Variants in ULK4 observed in about 807,000 individuals in gnomAD.
ULK4 encodes inactive serine/threonine-protein kinase ULK4.
Under a neutral mutation model 160.6 loss-of-function variants are expected in ULK4, and 133 were observed. The ratio of observed to expected loss-of-function variants is 0.83; its 90% CI spans 0.72 to 0.96. The LOEUF (loss-of-function observed/expected upper bound fraction) is 0.96, where lower values mean the gene tolerates loss of function less well. Among genes scored for constraint, ULK4 ranks in the 40% least tolerant of loss-of-function variants. The pLI, the probability that ULK4 is intolerant of heterozygous loss-of-function variation, is 0.00. For missense variants in ULK4, 1,580 were observed against 1,499.5 expected, an observed-to-expected ratio of 1.05 and a Z score of -0.89; for synonymous variants, 534 against 539.8, an observed-to-expected ratio of 0.99 and a Z score of 0.15.
chr3:41,259,181 G>C (rs769135374), intron 35 of ULK4, among the ~76,000 whole-genome samples: 14 of 151,726 alleles, frequency 9.2e-5, no homozygotes, highest in Non-Finnish European at 1.8e-4. Flanking sequence ...TGCAAACTCT[G>C]CTATGGTCAC....
At chr3:41,954,583 T>C (rs1298267018) in intron 2 of ULK4, 39 bp downstream of exon 2, 1 of 1,587,662 alleles carries the variant, frequency 6.3e-7, no homozygotes, top group Non-Finnish European at 8.6e-7. Context: ...CTATTGTAGC[T>C]CTCTCTTTCC....
chr3:41,286,924 T>C (rs891028373), intron 35 of ULK4, among the ~76,000 whole-genome samples: 4 of 152,178 alleles, frequency 2.6e-5, no homozygotes, highest in Non-Finnish European at 4.4e-5. Flanking sequence ...ACTGCACTTA[T>C]AGGGACCAGA....
At chr3:41,502,092 A>G (rs779027609) in intron 32 of ULK4, among the ~76,000 whole-genome samples, 15 of 152,290 alleles carry the variant, frequency 9.8e-5, no homozygotes, top group African/African-American at 1.9e-4. Context: ...GTATTTATTC[A>G]TCCACTGATG....
chr3:41,330,381 C>T (rs1456460266), intron 35 of ULK4, among the ~76,000 whole-genome samples: 1 of 152,310 alleles, frequency 6.6e-6, no homozygotes, highest in East Asian at 1.9e-4. Context: ...CATCCCATCC[C>T]AATTCCTCAG....
At chr3:41,771,617 G>A (rs1168925901) in intron 21 of ULK4, among the ~76,000 whole-genome samples, 1 of 151,598 alleles carries the variant, frequency 6.6e-6, no homozygotes, top group South Asian at 2.1e-4. Flanking sequence ...TACTGTGTGC[G>A]AGTAAAAGCT....
chr3:41,352,516 C>T (rs2080932099), intron 35 of ULK4, among the ~76,000 whole-genome samples: 1 of 152,310 alleles, frequency 6.6e-6, no homozygotes, highest in East Asian at 1.9e-4. Context: ...CAACCTACTG[C>T]TTTCCTTGTT....
At chr3:41,390,698 G>C (rs1433926166) in intron 35 of ULK4, among the ~76,000 whole-genome samples, 3 of 152,218 alleles carry the variant, frequency 2.0e-5, no homozygotes, top group African/African-American at 4.8e-5. Context: ...TCTTAATCTT[G>C]AGTTCTAGTT....
chr3:41,946,351 T>C lies in ULK4; in HGVS notation c.139-8154A>G, dbSNP rs950727453. ...CAAGAACAGGCAAAATAATCTACAA[T>C]GATAGAAGTAAGAACAGTGCTGGGG... is the stretch of plus-strand genomic sequence containing the variant. On this transcript the variant is annotated intron_variant, in intron 2 of 36. Coordinates refer to ENST00000301831, the MANE Select transcript of ULK4 (RefSeq NM_017886.4). Among the ~76,000 whole-genome samples the C allele has an allele frequency of 4.6e-5, 7 of 152,056 alleles. No homozygotes were observed. The South Asian group carries it at 1.2e-3, about 27-fold the overall frequency.
chr3:41,518,024 G>C (rs888355313), intron 32 of ULK4, among the ~76,000 whole-genome samples: 2 of 152,158 alleles, frequency 1.3e-5, no homozygotes, highest in Non-Finnish European at 2.9e-5. Context: ...CGTGTCTAAC[G>C]GGAAAGGAAA....
rs1397519836 is a variant in ULK4, at chr3:41,931,931, C to G, written c.454G>C (p.Glu152Gln). The change falls in exon 5 of 37, where the codon GAG (glutamate) becomes CAG (glutamine). Residue 152 changes from glutamate to glutamine, a missense_variant. Coordinates refer to ENST00000301831, the MANE Select transcript of ULK4 (RefSeq NM_017886.4). ...LAKVEGENLE[E>Q]FFALVAAEEG... ...TCTGCTGCCACCAAAGCAAAGAACTCTTCCAAATTTTCACCTTCCACTTTT... is the reference window on the plus strand; with the variant it reads ...TCTGCTGCCACCAAAGCAAAGAACTGTTCCAAATTTTCACCTTCCACTTTT... The G allele has an allele frequency of 1.2e-6, 2 of 1,614,112 alleles. No homozygotes were observed. The highest frequency in any genetic ancestry group is 8.5e-7 in the Non-Finnish European group (1 of 1,180,022).
At chr3:41,932,406 A>G (rs926985713) in intron 4 of ULK4, among the ~76,000 whole-genome samples, 1 of 152,222 alleles carries the variant, frequency 6.6e-6, no homozygotes, top group Non-Finnish European at 1.5e-5. Context: ...TTAAGATTAA[A>G]GTTGGAGATC....
chr3:41,353,997 T>A (rs1407491694), intron 35 of ULK4, among the ~76,000 whole-genome samples: 1 of 152,142 alleles, frequency 6.6e-6, no homozygotes, highest in Non-Finnish European at 1.5e-5. Context: ...CTTTCCATTG[T>A]GGGGCTCCAC....
intron 32 of ULK4, among the ~76,000 whole-genome samples, chr3:41,558,084 C>G (rs1228320649): frequency 6.6e-6 from 1 of 152,106 alleles, no homozygotes; most frequent in Non-Finnish European, 1.5e-5. Context: ...TGCATATATC[C>G]TTTGAGCTAA....
At chr3:41,739,145 G>A (rs1213446546) in intron 22 of ULK4, among the ~76,000 whole-genome samples, 2 of 151,912 alleles carry the variant, frequency 1.3e-5, no homozygotes, top group Admixed American at 6.6e-5. Context: ...AAGCCACTAC[G>A]TTAAGTATGC....
chr3:41,585,348 G>A (rs2030713404), intron 31 of ULK4, among the ~76,000 whole-genome samples: 1 of 152,078 alleles, frequency 6.6e-6, no homozygotes, highest in Admixed American at 6.6e-5. Context: ...ACGAAACAGA[G>A]AGCCCAGAAA....
chr3:41,502,602 G>A (rs1009909942), intron 32 of ULK4, among the ~76,000 whole-genome samples: 9 of 152,304 alleles, frequency 5.9e-5, no homozygotes, highest in African/African-American at 2.2e-4. Flanking sequence ...TCATACAGTG[G>A]AATACTATTC....
Position 41,925,399 on chromosome 3 carries a change from T to C in ULK4, c.542-5581A>G, listed in dbSNP as rs545375576. On this transcript the variant is annotated intron_variant, in intron 5 of 36. Transcript: ENST00000301831. ...CATACTGCATTTTTCCCACGGTCTT[T>C]GCAACCCACAGACCAGGAGATTCCC... 2.0e-5 allele frequency among the ~76,000 whole-genome samples: 3 copies of C among 152,324 alleles called. No individual in the cohort carries two copies. The East Asian group carries it at 5.8e-4, about 29-fold the overall frequency.
At chr3:41,559,300 A>G (rs2087462038) in intron 32 of ULK4, among the ~76,000 whole-genome samples, 1 of 118,606 alleles carries the variant, frequency 8.4e-6, no homozygotes, top group African/African-American at 2.6e-5. Context: ...GATTGGTTCC[A>G]AGTCTTGCTA....
At chr3:41,348,918 A>C (rs1384797285) in intron 35 of ULK4, among the ~76,000 whole-genome samples, 2 of 152,146 alleles carry the variant, frequency 1.3e-5, no homozygotes, top group African/African-American at 4.8e-5. Context: ...AGAGAAGTGA[A>C]TGTCTTCTGT....
Sources: allele counts gnomAD v4.1 joint callset (sites outside exome capture counted in the v4.1 genomes callset), GRCh38; gene constraint gnomAD v4.1.1; transcripts MANE v1.5; gene names NCBI Gene and HGNC (gene_info 2026-07-23, HGNC 2026-07-21).